The following NAALADL2 variants were observed in gnomAD, a reference collection of about 807,000 sequenced individuals.
The protein encoded by NAALADL2 is N-acetylated alpha-linked acidic dipeptidase like 2.
A neutral mutation model predicts 87.2 loss-of-function variants in NAALADL2; 76 were observed. The ratio of observed to expected loss-of-function variants is 0.87; its 90% confidence interval spans 0.72 to 1.05. The LOEUF (loss-of-function observed/expected upper bound fraction) is 1.05, where lower values mean the gene tolerates loss of function less well. NAALADL2 is among the 50% of genes least tolerant of loss of function. The pLI, the probability that NAALADL2 is intolerant of heterozygous loss-of-function variation, is 0.00. For missense variants in NAALADL2, 1,089 were observed against 945.8 expected (o/e 1.15, Z -1.99); for synonymous variants, 354 against 331.0 (o/e 1.07, Z -0.75).
chr3:175,054,946 C>A (rs1711799854), intron 1 of NAALADL2, among the ~76,000 whole-genome samples: 1 of 151,994 alleles, frequency 6.6e-6, no homozygotes, highest in South Asian at 2.1e-4. Flanking sequence ...TCGGGCCCTT[C>A]ACAATGCAAA....
intron 2 of NAALADL2, among the ~76,000 whole-genome samples, chr3:175,157,619 T>A (rs191075781): frequency 9.3e-4 from 142 of 152,220 alleles, no homozygotes; most frequent in Middle Eastern, 3.4e-3. Flanking sequence ...TGAACAGTAA[T>A]GTCATAGGAT....
At chr3:175,787,058 A>T (rs1312087605) in intron 13 of NAALADL2, among the ~76,000 whole-genome samples, 1 of 151,976 alleles carries the variant, frequency 6.6e-6, no homozygotes, top group Non-Finnish European at 1.5e-5. Flanking sequence ...TTGAGGAGGC[A>T]GTCTGCCTGT....
chr3:174,973,452 G>T (rs1286591900), intron 1 of NAALADL2, among the ~76,000 whole-genome samples: 4 of 151,958 alleles, frequency 2.6e-5, no homozygotes, highest in African/African-American at 9.7e-5. Flanking sequence ...TTTTTATGTG[G>T]TTATTTTATA....
intron 9 of NAALADL2, among the ~76,000 whole-genome samples, chr3:175,550,910 T>A (rs1714232191): frequency 1.3e-5 from 2 of 152,236 alleles, no homozygotes; most frequent in Admixed American, 1.3e-4. Flanking sequence ...CTGGATTGAT[T>A]TAATTTTCTC....
At chr3:175,628,064 C>T (rs1185793010) in intron 11 of NAALADL2, among the ~76,000 whole-genome samples, 1 of 151,674 alleles carries the variant, frequency 6.6e-6, no homozygotes, top group African/African-American at 2.4e-5. Context: ...ATACAGATGT[C>T]CCCCAACTTG....
At chr3:174,931,140 T>C (rs932413619) in intron 1 of NAALADL2, among the ~76,000 whole-genome samples, 1 of 152,154 alleles carries the variant, frequency 6.6e-6, no homozygotes, top group Non-Finnish European at 1.5e-5. Context: ...AATACATTTA[T>C]TGACTATAAA....
intron 10 of NAALADL2, among the ~76,000 whole-genome samples, chr3:175,596,963 A>G (rs1176565282): frequency 6.6e-6 from 1 of 151,990 alleles, no homozygotes; most frequent in Non-Finnish European, 1.5e-5. Flanking sequence ...TTTAGAAGAA[A>G]AAATGGAAAG....
At chr3:174,882,903 G>T (rs1483625220) in intron 1 of NAALADL2, among the ~76,000 whole-genome samples, 1 of 149,856 alleles carries the variant, frequency 6.7e-6, no homozygotes, top group African/African-American at 2.5e-5. Flanking sequence ...ATATATATGT[G>T]TATATATATG....
At chr3:175,551,150 T>A (rs1714290813) in intron 9 of NAALADL2, among the ~76,000 whole-genome samples, 1 of 152,044 alleles carries the variant, frequency 6.6e-6, no homozygotes, top group Non-Finnish European at 1.5e-5. Flanking sequence ...GAGGTGATTG[T>A]GAATTTGGCT....
intron 4 of NAALADL2, among the ~76,000 whole-genome samples, chr3:175,283,536 A>T (rs1754587899): frequency 6.6e-6 from 1 of 152,098 alleles, no homozygotes; most frequent in African/African-American, 2.4e-5. Flanking sequence ...CTCCGTAGCA[A>T]TGTTATGAAA....
At chr3:174,635,156 A>G (rs1722504234) in intron 2 of NAALADL2, among the ~76,000 whole-genome samples, 1 of 152,184 alleles carries the variant, frequency 6.6e-6, no homozygotes, top group Non-Finnish European at 1.5e-5. Flanking sequence ...TTTAAGCCCA[A>G]TGCTTGTTTC....
At chr3:175,181,725 ATGTATATATG>A (rs1736545812) in intron 2 of NAALADL2, among the ~76,000 whole-genome samples, 1 of 61,752 alleles carries the variant, frequency 1.6e-5, no homozygotes, top group African/African-American at 5.2e-5. Context: ...GTGTATATAT[ATGTATATATG>A]TGTATATATG....
chr3:174,921,053 A>T (rs987211013), intron 1 of NAALADL2, among the ~76,000 whole-genome samples: 1 of 152,226 alleles, frequency 6.6e-6, no homozygotes, highest in African/African-American at 2.4e-5. Context: ...TACAGATCAC[A>T]ATAACAGATA....
intron 1 of NAALADL2, among the ~76,000 whole-genome samples, chr3:174,518,936 G>T (rs1435760096): frequency 6.6e-6 from 1 of 152,120 alleles, no homozygotes; most frequent in Non-Finnish European, 1.5e-5. Flanking sequence ...TAAGGCAAAA[G>T]CTCAATGATT....
chr3:175,242,176 A>G (rs1747042773), intron 3 of NAALADL2, among the ~76,000 whole-genome samples: 1 of 152,032 alleles, frequency 6.6e-6, no homozygotes, highest in Non-Finnish European at 1.5e-5. Flanking sequence ...GCAGATTTTT[A>G]ATTTGACTTA....
chr3:175,790,049 C>CTT (rs1196506164), intron 13 of NAALADL2, among the ~76,000 whole-genome samples: 2 of 152,078 alleles, frequency 1.3e-5, no homozygotes, highest in Non-Finnish European at 2.9e-5. Context: ...AAGCAGGGGA[C>CTT]TTAGAATACA....
intron 1 of NAALADL2, among the ~76,000 whole-genome samples, chr3:174,454,997 T>A (rs1715738581): frequency 6.7e-6 from 1 of 149,468 alleles, no homozygotes; most frequent in African/African-American, 2.4e-5. Context: ...CTAGCTATAC[T>A]AATAAGAGAG....
intron 3 of NAALADL2, among the ~76,000 whole-genome samples, chr3:175,247,266 G>C (rs952056598): frequency 7.0e-5 from 5 of 71,924 alleles, no homozygotes; most frequent in African/African-American, 2.3e-4. Flanking sequence ...AATTATGTGT[G>C]TACACACACA....
intron 2 of NAALADL2, among the ~76,000 whole-genome samples, chr3:174,697,290 C>A (rs1175932422): frequency 1.3e-5 from 2 of 152,128 alleles, no homozygotes; most frequent in Non-Finnish European, 2.9e-5. Context: ...AAAAAACAAG[C>A]ACTTACATGG....
Sources: allele counts gnomAD v4.1 joint callset (sites outside exome capture counted in the v4.1 genomes callset), GRCh38; gene constraint gnomAD v4.1.1; transcripts MANE v1.5; gene names NCBI Gene and HGNC (gene_info 2026-07-23, HGNC 2026-07-21).